XPNPEP3: variants seen among roughly 807,000 people sequenced by gnomAD.
XPNPEP3 encodes xaa-Pro aminopeptidase 3.
In XPNPEP3, 41 loss-of-function variants were observed where a neutral mutation model predicts 60.0. That is an observed-to-expected ratio of 0.68 (90% CI 0.53 to 0.89). The LOEUF (loss-of-function observed/expected upper bound fraction) is 0.89. XPNPEP3 is among the 40% of genes least tolerant of loss of function. XPNPEP3 has a pLI of 0.00. For missense variants in XPNPEP3, 598 were observed against 638.9 expected (o/e 0.94, Z 0.69); for synonymous variants, 212 against 223.2 (o/e 0.95, Z 0.45).
intron 4 of XPNPEP3, among the ~76,000 whole-genome samples, chr22:40,902,368 A>G (rs891278895): frequency 3.3e-5 from 5 of 149,990 alleles, no homozygotes; most frequent in African/African-American, 1.2e-4. Context: ...CTCCTGCCTC[A>G]GCCTCCCAAG....
In XPNPEP3 at chr22:40,864,723, G is replaced by A. The variant is rs758063894; in HGVS notation, c.65-4276G>A. Among the ~76,000 whole-genome samples, 157 of 152,280 alleles carry A rather than the reference G, an allele frequency of 1.0e-3. 1 individual carries two copies. Among genetic ancestry groups the A allele is most frequent in the Non-Finnish European group, 2.1e-3 (141 of 68,020 alleles). On this transcript the variant is annotated intron_variant, in intron 1 of 9. Coordinates refer to ENST00000357137, the MANE Select transcript of XPNPEP3 (RefSeq NM_022098.4). ...GCCTCCCAAAGCGCTGGGATTACAGGCATGAGCCACCGCACCCAGCTGGTC... is the reference window on the plus strand; with the variant it reads ...GCCTCCCAAAGCGCTGGGATTACAGACATGAGCCACCGCACCCAGCTGGTC...
chr22:40,859,619 T>C (rs2057929116), intron 1 of XPNPEP3: 2 of 152,226 alleles, frequency 1.3e-5, no homozygotes, highest in African/African-American at 4.8e-5. Flanking sequence ...GTCCGCAGTC[T>C]CTTCTATAGA....
chr22:40,926,545 T>A lies in XPNPEP3; in HGVS notation c.*110T>A. The A allele has an allele frequency of 1.5e-6, 2 of 1,324,066 alleles. No homozygotes were observed. The highest frequency in any genetic ancestry group is 1.2e-5 in the South Asian group (1 of 84,608). 82.0% of individuals were successfully genotyped at this position (1,324,066 alleles called of 1,614,324 possible). A position where few individuals can be genotyped will look rare whatever the true frequency, so the allele number is the denominator to read the frequency against. The stretch of plus-strand genomic sequence containing the variant: ...GTGTGCATTAATATATGCATTCCAT[T>A]TGGGAGCATAGCAGCTGTGTGAATG... On this transcript the variant is annotated 3_prime_UTR_variant, in exon 10 of 10. Coordinates refer to ENST00000357137, the MANE Select transcript of XPNPEP3 (RefSeq NM_022098.4).
At chr22:40,905,801 CTTT>C (rs919042932) in intron 4 of XPNPEP3, among the ~76,000 whole-genome samples, 2 of 148,506 alleles carry the variant, frequency 1.3e-5, no homozygotes. Flanking sequence ...TTCATGTTTT[CTTT>C]TTTTTTTAGA....
At position 40,868,977 on chromosome 22, in the gene XPNPEP3, A is replaced by T. The variant is rs1035234897; in HGVS notation, c.65-22A>T. 3 of 1,574,316 alleles carry T rather than the reference A, an allele frequency of 1.9e-6. No homozygotes were observed. In the African/African-American group the frequency reaches 4.1e-5, roughly 21 times the overall value. On this transcript the variant is annotated intron_variant, in intron 1 of 9. Transcript: ENST00000357137. ...CTTTCTAGATCTATTGTTTCATTTCATTCTCTTTATTCTTCATTCAGGATG... is the reference window on the plus strand; with the variant it reads ...CTTTCTAGATCTATTGTTTCATTTCTTTCTCTTTATTCTTCATTCAGGATG...
intron 4 of XPNPEP3, among the ~76,000 whole-genome samples, chr22:40,903,600 C>G (rs886716756): frequency 6.6e-6 from 1 of 151,778 alleles, no homozygotes; most frequent in African/African-American, 2.4e-5. Flanking sequence ...AAGCAATTCT[C>G]TGCCTCAGCC....
intron 2 of XPNPEP3, chr22:40,870,155 A>G: frequency 2.2e-6 from 1 of 453,454 alleles, no homozygotes; most frequent in South Asian, 1.6e-5. Context: ...CTTAATAGCA[A>G]CCCAGTTGGT....
chr22:40,883,844 A>G (rs1039836903), intron 3 of XPNPEP3, among the ~76,000 whole-genome samples: 1 of 152,168 alleles, frequency 6.6e-6, no homozygotes, highest in African/African-American at 2.4e-5. Context: ...TATTTTTTGA[A>G]GTATCTTATT....
At chr22:40,914,123 C>G in intron 6 of XPNPEP3, 116 bp from the exon 7 acceptor site, 1 of 851,562 alleles carries the variant, frequency 1.2e-6, no homozygotes, top group Non-Finnish European at 1.9e-6. Flanking sequence ...ACCTGGGCAA[C>G]AAGAGTGAAA....
At chr22:40,896,645 T>G (rs1189267991) in intron 4 of XPNPEP3, among the ~76,000 whole-genome samples, 3 of 151,978 alleles carry the variant, frequency 2.0e-5, no homozygotes, top group Non-Finnish European at 4.4e-5. Flanking sequence ...AAAAAAAAAT[T>G]TACCATTTTA....
chr22:40,871,166 G>A (rs1409460408), intron 2 of XPNPEP3, among the ~76,000 whole-genome samples: 5 of 152,058 alleles, frequency 3.3e-5, no homozygotes, highest in African/African-American at 4.8e-5. Flanking sequence ...AGTTCGAGAC[G>A]AGCATAGGCA....
chr22:40,885,626 T>C (rs752939675), intron 3 of XPNPEP3, among the ~76,000 whole-genome samples: 11 of 152,202 alleles, frequency 7.2e-5, no homozygotes, highest in Admixed American at 2.0e-4. Context: ...TGTCCTTCTG[T>C]GTGCAATTAT....
chr22:40,862,807 C>T (rs1204928887), intron 1 of XPNPEP3: 16 of 971,460 alleles, frequency 1.6e-5, no homozygotes, highest in Non-Finnish European at 1.8e-5. Context: ...TACTTTGTGC[C>T]AGGCACCGTT....
Position 40,926,403 on chromosome 22 carries a change from G to A in XPNPEP3, c.1492G>A (p.Asp498Asn). The A allele has an allele frequency of 6.2e-7, 1 of 1,614,122 alleles. No individual in the cohort carries two copies. The highest frequency in any genetic ancestry group is 8.5e-7 in the Non-Finnish European group (1 of 1,180,032). ...LSADCPKEMN[D>N]IEQICSQAS ...TGCAGACTGTCCCAAAGAGATGAATGACATTGAACAGATATGCAGCCAGGC... is the reference window on the plus strand; with the variant it reads ...TGCAGACTGTCCCAAAGAGATGAATAACATTGAACAGATATGCAGCCAGGC... The change falls in exon 10 of 10, where the codon GAC becomes AAC. Residue 498 changes from aspartate to asparagine, a missense_variant. By Grantham distance (23) the Asp-to-Asn change is conservative. Coordinates refer to ENST00000357137, the MANE Select transcript of XPNPEP3 (RefSeq NM_022098.4).
intron 7 of XPNPEP3, among the ~76,000 whole-genome samples, chr22:40,922,059 G>T (rs1250693987): frequency 1.3e-5 from 2 of 151,910 alleles, no homozygotes; most frequent in Admixed American, 6.6e-5. Flanking sequence ...CTGCACTCAT[G>T]GCTCAGTGCT....
At chr22:40,917,413 A>T (rs562277984) in intron 7 of XPNPEP3, 19 of 152,238 alleles carry the variant, frequency 1.2e-4, no homozygotes, top group Middle Eastern at 3.4e-3. Context: ...TAAAATTTTT[A>T]AAAAACACAA....
intron 2 of XPNPEP3, among the ~76,000 whole-genome samples, chr22:40,879,297 C>A (rs1315527553): frequency 6.6e-6 from 1 of 152,124 alleles, no homozygotes; most frequent in East Asian, 1.9e-4. Flanking sequence ...ACTTCATCAA[C>A]AAAAACATAA....
intron 7 of XPNPEP3, among the ~76,000 whole-genome samples, chr22:40,916,652 T>C (rs2146276471): frequency 6.6e-6 from 1 of 152,286 alleles, no homozygotes; most frequent in Middle Eastern, 3.4e-3. Flanking sequence ...CTGGATTCTT[T>C]AACAAATAAA....
At chr22:40,861,129 C>A in intron 1 of XPNPEP3, 1 of 1,613,458 alleles carries the variant, frequency 6.2e-7, no homozygotes, top group African/African-American at 1.3e-5. Context: ...CCTCTTACCA[C>A]CCTCTTTGAC....
Sources: allele counts gnomAD v4.1 joint callset (sites outside exome capture counted in the v4.1 genomes callset), GRCh38; gene constraint gnomAD v4.1.1; transcripts MANE v1.5; gene names NCBI Gene and HGNC (gene_info 2026-07-23, HGNC 2026-07-21).